FOXN3: variants seen among roughly 807,000 people sequenced by gnomAD.
The protein encoded by FOXN3 is forkhead box N3, also known as forkhead box protein N3.
FOXN3 carries 7 observed loss-of-function variants against 38.4 expected under a neutral mutation model. The ratio of observed to expected loss-of-function variants is 0.18; its 90% CI spans 0.10 to 0.34. The LOEUF is 0.34. Among genes scored for constraint, FOXN3 ranks in the 10% least tolerant of loss-of-function variants. FOXN3 has a pLI of 1.00. For missense variants in FOXN3, 456 were observed against 613.4 expected (o/e 0.74, Z 2.71); for synonymous variants, 230 against 242.2 (o/e 0.95, Z 0.47).
chr14:89,552,394 A>T (rs73333032), intron 1 of FOXN3, among the ~76,000 whole-genome samples: 5,219 of 152,366 alleles, frequency 0.034, 286 homozygotes, highest in African/African-American at 0.12. Context: ...TGTGTAAATA[A>T]GCTGAACCCA....
intron 2 of FOXN3, among the ~76,000 whole-genome samples, chr14:89,369,327 G>A (rs1315799282): frequency 6.6e-6 from 1 of 152,212 alleles, no homozygotes; most frequent in Non-Finnish European, 1.5e-5. Flanking sequence ...AGCAGTGATA[G>A]TAGCAGCAAC....
At chr14:89,576,662 T>C (rs1895629066) in intron 1 of FOXN3, 1 of 152,206 alleles carries the variant, frequency 6.6e-6, no homozygotes, top group African/African-American at 2.4e-5. Context: ...ATCTGCTGGG[T>C]ATCCAATCCT....
intron 3 of FOXN3, among the ~76,000 whole-genome samples, chr14:89,321,335 T>C (rs935156069): frequency 1.3e-5 from 2 of 152,018 alleles, no homozygotes; most frequent in African/African-American, 4.8e-5. Context: ...CCCAGCACTT[T>C]GGGAGGCTGA....
intron 1 of FOXN3, among the ~76,000 whole-genome samples, chr14:89,555,874 TGTATGTGGGG>T (rs908166558): frequency 6.0e-5 from 7 of 115,994 alleles, no homozygotes; most frequent in South Asian, 3.4e-4. Context: ...TGTGTGTGTG[TGTATGTGGGG>T]GTGTATGTGG....
intron 1 of FOXN3, among the ~76,000 whole-genome samples, chr14:89,612,062 G>C (rs1387447404): frequency 3.9e-5 from 6 of 152,138 alleles, no homozygotes; most frequent in Admixed American, 3.9e-4. Context: ...AGTCTCGGAG[G>C]AAAGCCTGGG....
chr14:89,515,301 A>T (rs1367158355), intron 1 of FOXN3, among the ~76,000 whole-genome samples: 2 of 152,184 alleles, frequency 1.3e-5, no homozygotes, highest in African/African-American at 2.4e-5. Flanking sequence ...AAAGATTGAC[A>T]GCCACTAAGA....
At chr14:89,512,294 T>C (rs1212851026) in intron 1 of FOXN3, among the ~76,000 whole-genome samples, 2 of 152,180 alleles carry the variant, frequency 1.3e-5, no homozygotes, top group African/African-American at 4.8e-5. Context: ...AGAAAACGCA[T>C]ACGAATAATT....
intron 1 of FOXN3, among the ~76,000 whole-genome samples, chr14:89,441,284 C>T (rs1235547361): frequency 6.6e-6 from 1 of 152,216 alleles, no homozygotes; most frequent in Non-Finnish European, 1.5e-5. Context: ...CATTCACTAA[C>T]ACCAGTCTCT....
intron 1 of FOXN3, among the ~76,000 whole-genome samples, chr14:89,427,718 AT>A (rs1892070305): frequency 6.6e-6 from 1 of 152,194 alleles, no homozygotes; most frequent in Admixed American, 6.5e-5. Context: ...TAATAAAAAA[AT>A]AAATCAACTA....
intron 1 of FOXN3, among the ~76,000 whole-genome samples, chr14:89,540,687 G>A (rs949931033): frequency 4.0e-5 from 6 of 148,816 alleles, no homozygotes; most frequent in Non-Finnish European, 7.4e-5. Context: ...GTAGTGAGCC[G>A]AGATTGCAAC....
chr14:89,574,335 T>C (rs1353481665), intron 1 of FOXN3, among the ~76,000 whole-genome samples: 3 of 152,210 alleles, frequency 2.0e-5, no homozygotes, highest in Non-Finnish European at 4.4e-5. Flanking sequence ...AGAGGCATGG[T>C]CTAATAAGGA....
intron 1 of FOXN3, among the ~76,000 whole-genome samples, chr14:89,503,999 C>G (rs117780562): frequency 1.3e-5 from 2 of 152,320 alleles, no homozygotes; most frequent in Non-Finnish European, 2.9e-5. Context: ...GCCAAACAGA[C>G]AGCAGAGACT....
intron 1 of FOXN3, among the ~76,000 whole-genome samples, chr14:89,558,382 T>A (rs1333771641): frequency 6.6e-6 from 1 of 152,046 alleles, no homozygotes; most frequent in Non-Finnish European, 1.5e-5. Flanking sequence ...ACATCGAAGG[T>A]GACAGGCAGA....
chr14:89,356,872 C>T (rs2241127), intron 2 of FOXN3, among the ~76,000 whole-genome samples: 26,080 of 152,146 alleles, frequency 0.17, 2,465 homozygotes, highest in South Asian at 0.39. Flanking sequence ...GACTGTAATA[C>T]CTGCTAGGAA....
At chr14:89,238,786 A>G (rs1295993153) in intron 4 of FOXN3, among the ~76,000 whole-genome samples, 2 of 152,224 alleles carry the variant, frequency 1.3e-5, no homozygotes, top group East Asian at 3.8e-4. Context: ...CATAATGAAT[A>G]TCAATAACAA....
intron 1 of FOXN3, among the ~76,000 whole-genome samples, chr14:89,430,576 A>C (rs1892134034): frequency 6.6e-6 from 1 of 152,304 alleles, no homozygotes; most frequent in Non-Finnish European, 1.5e-5. Flanking sequence ...TGGGTGGATA[A>C]GTAGTCCTAT....
intron 2 of FOXN3, among the ~76,000 whole-genome samples, chr14:89,392,610 T>A (rs574976590): frequency 2.0e-5 from 3 of 147,930 alleles, no homozygotes; most frequent in Non-Finnish European, 4.5e-5. Flanking sequence ...CACGGTGCTC[T>A]CCCCTGCACA....
intron 4 of FOXN3, among the ~76,000 whole-genome samples, chr14:89,199,301 C>T (rs1047423091): frequency 2.6e-5 from 4 of 152,140 alleles, no homozygotes; most frequent in African/African-American, 9.7e-5. Flanking sequence ...GAGCCCGGTG[C>T]ACAAGCTTCT....
chr14:89,297,559 CA>C (rs919496715), intron 3 of FOXN3, among the ~76,000 whole-genome samples: 3,580 of 103,472 alleles, frequency 0.035, 48 homozygotes, highest in African/African-American at 0.072. Context: ...GACTCCCTTT[CA>C]AAAAAAAAAA....
Sources: allele counts gnomAD v4.1 joint callset (sites outside exome capture counted in the v4.1 genomes callset), GRCh38; gene constraint gnomAD v4.1.1; transcripts MANE v1.5; gene names NCBI Gene and HGNC (gene_info 2026-07-23, HGNC 2026-07-21).